The following DPH6 variants were observed in gnomAD, a reference collection of about 807,000 sequenced individuals.
DPH6 encodes diphthamine biosynthesis 6.
A neutral mutation model predicts 38.2 loss-of-function variants in DPH6; 33 were observed. The observed-to-expected ratio is 0.86, with a 90% CI of 0.65 to 1.15. DPH6 has a LOEUF of 1.15. DPH6 is among the 50% of genes most tolerant of loss of function. DPH6 has a pLI of 0.00. For missense variants in DPH6, 325 were observed against 320.0 expected (o/e 1.02, Z -0.12); for synonymous variants, 108 against 103.0 (o/e 1.05, Z -0.30).
intron 3 of DPH6, among the ~76,000 whole-genome samples, chr15:35,258,644 A>C (rs1595449878): frequency 6.6e-6 from 1 of 152,230 alleles, no homozygotes; most frequent in East Asian, 1.9e-4. Flanking sequence ...GTAGCAATAA[A>C]CCTTTATCAA....
chr15:35,315,071 T>G (rs2052177302), intron 3 of DPH6, among the ~76,000 whole-genome samples: 1 of 152,174 alleles, frequency 6.6e-6, no homozygotes, highest in African/African-American at 2.4e-5. Flanking sequence ...AACCAAAAAC[T>G]GCAATGCCTG....
chr15:35,479,730 C>T (rs372302036), intron 3 of DPH6, among the ~76,000 whole-genome samples: 2 of 152,046 alleles, frequency 1.3e-5, no homozygotes, highest in Admixed American at 6.6e-5. Flanking sequence ...TTGACCCCTA[C>T]AGGTCTCATG....
chr15:35,306,686 T>C (rs961111042), intron 3 of DPH6, among the ~76,000 whole-genome samples: 2 of 152,248 alleles, frequency 1.3e-5, no homozygotes, highest in Non-Finnish European at 2.9e-5. Context: ...AGGCTAAGAA[T>C]TGACTTTCTG....
the DPH6 span, among the ~76,000 whole-genome samples, chr15:35,174,794 A>G: frequency 6.6e-6 from 1 of 152,212 alleles, no homozygotes; most frequent in Non-Finnish European, 1.5e-5. Context: ...TTAGGAGCTA[A>G]TTACTTTCAA....
chr15:35,277,085 G>A (rs989948438), intron 3 of DPH6, among the ~76,000 whole-genome samples: 3 of 152,132 alleles, frequency 2.0e-5, no homozygotes, highest in African/African-American at 7.2e-5. Flanking sequence ...CTATTTGTTT[G>A]TGTCATCTAT....
chr15:35,286,565 G>A (rs1263411369), intron 3 of DPH6, among the ~76,000 whole-genome samples: 1 of 152,190 alleles, frequency 6.6e-6, no homozygotes, highest in Non-Finnish European at 1.5e-5. Context: ...AAGACATTGA[G>A]AGTTAAACTA....
chr15:35,406,013 G>A lies in DPH6; in HGVS notation c.567+4822C>T, dbSNP rs1161713334. On this transcript the variant is annotated intron_variant, in intron 6 of 8. Transcript: ENST00000256538. ...TTATTGTGTTGAATTTATTTTTCAC[G>A]CACGTATCGCATGTTTTAATTTTAT... is the stretch of plus-strand genomic sequence containing the variant. 4.6e-5 allele frequency among the ~76,000 whole-genome samples: 7 copies of A among 151,966 alleles called. No homozygotes were observed. The East Asian group carries it at 5.8e-4, about 13-fold the overall frequency.
chr15:35,206,020 T>G, the DPH6 span, among the ~76,000 whole-genome samples: 1 of 152,162 alleles, frequency 6.6e-6, no homozygotes, highest in Admixed American at 6.5e-5. Flanking sequence ...CAGACTTCAG[T>G]AACAGATTTG....
chr15:35,301,896 C>T lies in DPH6; in HGVS notation n.200+71625G>A, dbSNP rs1321456922. Among the ~76,000 whole-genome samples, 5 of 152,210 alleles carry T rather than the reference C, an allele frequency of 3.3e-5. No individual in the cohort carries two copies. The South Asian group carries it at 1.0e-3, about 32-fold the overall frequency. On this transcript the variant is annotated intron_variant and non_coding_transcript_variant, in intron 3 of 3. Transcript: ENST00000560386. ...GGCTGAGGCAGGATAACTGCTTGAA[C>T]CTGGGAGGCGGAGGTTGCAGTGAGC...
At chr15:35,146,832 C>G in the DPH6 span, among the ~76,000 whole-genome samples, 1 of 152,052 alleles carries the variant, frequency 6.6e-6, no homozygotes, top group South Asian at 2.1e-4. Context: ...CTACCATGAC[C>G]TTATCACCCA....
At position 35,371,922 on chromosome 15, in the gene DPH6, C is replaced by T. The variant is rs796329179; in HGVS notation, c.*228G>A. 141 of 1,224,032 alleles carry T rather than the reference C, an allele frequency of 1.2e-4. No individual in the cohort carries two copies. Among genetic ancestry groups the T allele is most frequent in the African/African-American group, 6.1e-4 (38 of 62,794 alleles). 75.8% of individuals were successfully genotyped at this position (1,224,032 alleles called of 1,614,324 possible). ...AAAGGTCATAGGGAAGATGTGTTAACGAAAGAGAAAGAGTGAATTCCAAGA... is the reference window on the plus strand; with the variant it reads ...AAAGGTCATAGGGAAGATGTGTTAATGAAAGAGAAAGAGTGAATTCCAAGA... On this transcript the variant is annotated 3_prime_UTR_variant, in exon 9 of 9. Coordinates refer to ENST00000256538, the MANE Select transcript of DPH6 (RefSeq NM_080650.4).
intron 3 of DPH6, among the ~76,000 whole-genome samples, chr15:35,501,514 A>G (rs1201712491): frequency 6.6e-6 from 1 of 152,194 alleles, no homozygotes; most frequent in Non-Finnish European, 1.5e-5. Context: ...TCCTGGTAAT[A>G]AAGGCTTGGT....
intron 3 of DPH6, among the ~76,000 whole-genome samples, chr15:35,490,364 C>G (rs187627095): frequency 6.6e-5 from 10 of 152,232 alleles, no homozygotes; most frequent in African/African-American, 2.4e-4. Flanking sequence ...GTCTATTTGA[C>G]CAAAAAATGA....
intron 7 of DPH6, among the ~76,000 whole-genome samples, chr15:35,374,193 C>T (rs1374782705): frequency 6.6e-6 from 1 of 151,996 alleles, no homozygotes; most frequent in Non-Finnish European, 1.5e-5. Flanking sequence ...ATTAACTCAA[C>T]TTTTATCAAA....
chr15:35,466,054 G>A (rs1279613167), intron 3 of DPH6, among the ~76,000 whole-genome samples: 1 of 151,996 alleles, frequency 6.6e-6, no homozygotes, highest in African/African-American at 2.4e-5. Context: ...GATAAGGTGG[G>A]GCCAGGCATG....
chr15:35,387,402 G>T (rs971172645), intron 6 of DPH6, among the ~76,000 whole-genome samples: 3 of 152,110 alleles, frequency 2.0e-5, no homozygotes, highest in Non-Finnish European at 4.4e-5. Context: ...GCTTGATGGG[G>T]ATGGCATTGA....
intron 3 of DPH6, among the ~76,000 whole-genome samples, chr15:35,231,190 T>C (rs2051515097): frequency 6.6e-6 from 1 of 152,232 alleles, no homozygotes; most frequent in Admixed American, 6.5e-5. Context: ...TTCCCATCAG[T>C]GGGATCTGCA....
chr15:35,461,584 C>CT (rs112609768), intron 3 of DPH6, among the ~76,000 whole-genome samples: 2,666 of 139,220 alleles, frequency 0.019, 52 homozygotes, highest in African/African-American at 0.054. Flanking sequence ...TAGTTGTGAT[C>CT]TTTTTTTTTT....
chr15:35,342,878 G>A (rs2140880132), intron 3 of DPH6, among the ~76,000 whole-genome samples: 1 of 152,212 alleles, frequency 6.6e-6, no homozygotes, highest in East Asian at 1.9e-4. Flanking sequence ...TATCAAATGA[G>A]AACTCAGCTC....
Sources: allele counts gnomAD v4.1 joint callset (sites outside exome capture counted in the v4.1 genomes callset), GRCh38; gene constraint gnomAD v4.1.1; transcripts MANE v1.5; gene names NCBI Gene and HGNC (gene_info 2026-07-23, HGNC 2026-07-21).